CAVIN2: variants seen among roughly 807,000 people sequenced by gnomAD.
CAVIN2 encodes the protein caveolae associated protein 2, also known as caveolae-associated protein 2.
A neutral mutation model predicts 11.7 loss-of-function variants in CAVIN2; 13 were observed. That is an observed-to-expected ratio of 1.11 (90% confidence interval 0.72 to 1.77). The LOEUF is 1.77. CAVIN2 is among the 40% of genes most tolerant of loss of function. CAVIN2 has a pLI of 0.00. For missense variants in CAVIN2, 549 were observed against 542.9 expected (o/e 1.01, Z -0.11); for synonymous variants, 237 against 223.2 (o/e 1.06, Z -0.55).
At chr2:191,837,174 G>A (rs866160696) in intron 1 of CAVIN2, among the ~76,000 whole-genome samples, 2 of 152,332 alleles carry the variant, frequency 1.3e-5, no homozygotes, top group South Asian at 4.1e-4. Context: ...TGAGAACTGA[G>A]AAGTCTTCAA....
Position 191,835,844 on chromosome 2 carries a change from C to G in CAVIN2, c.*79G>C. 7.1e-7 allele frequency: 1 copy of G among 1,406,938 alleles called. No homozygotes were observed. The highest frequency in any genetic ancestry group is 9.7e-7 in the Non-Finnish European group (1 of 1,035,732). The allele number at this position is 1,406,938 out of a possible 1,614,324, so 87.2% of individuals were successfully genotyped here. ...GGAACGCAGGAGTGGGTGAGTCGTG[C>G]TGGAGATGTGCAAGAGTTTGTTCTT... On this transcript the variant is annotated 3_prime_UTR_variant, in exon 2 of 2. Transcript: ENST00000304141.
At chr2:191,836,854 A>C in intron 1 of CAVIN2, 137 bp from the exon 2 acceptor site, 1 of 842,156 alleles carries the variant, frequency 1.2e-6, no homozygotes, top group Non-Finnish European at 1.8e-6. Context: ...GTTTTCTAGA[A>C]TAGGAAGAGT....
rs770341309 is a variant in CAVIN2 at position 191,836,174 on chromosome 2, C to T, written c.1027G>A (p.Ala343Thr). 7 of 1,614,148 alleles carry T rather than the reference C, an allele frequency of 4.3e-6. No homozygotes were observed. Among genetic ancestry groups the T allele is most frequent in the Non-Finnish European group, 5.9e-6 (7 of 1,180,034 alleles). ...FAEGHSEASL[A>T]SALVEGEIAE... ...ATTTCCCCTTCCACCAGAGCGCTGG[C>T]GAGGGACGCTTCGGAATGACCCTCT... is the stretch of plus-strand genomic sequence containing the variant. Residue 343 changes from alanine to threonine, a missense_variant, in exon 2 of 2, where the codon GCC becomes ACC. Physicochemically the swap from Ala to Thr is moderately conservative, Grantham distance 58 (BLOSUM62 0). Coordinates refer to ENST00000304141, the MANE Select transcript of CAVIN2 (RefSeq NM_004657.6).
chr2:191,846,308 A>C (rs2105738847), intron 1 of CAVIN2, 135 bp downstream of exon 1: 1 of 1,093,940 alleles, frequency 9.1e-7, no homozygotes, highest in Middle Eastern at 2.2e-4. Context: ...GCAGGCAGAC[A>C]GGGGACAGTG....
At chr2:191,844,536 G>A (rs1413424055) in intron 1 of CAVIN2, among the ~76,000 whole-genome samples, 2 of 152,198 alleles carry the variant, frequency 1.3e-5, no homozygotes, top group East Asian at 1.9e-4. Context: ...AATGGAGTCC[G>A]AGCACATTTC....
chr2:191,843,256 G>C (rs1209133575), intron 1 of CAVIN2, among the ~76,000 whole-genome samples: 1 of 152,004 alleles, frequency 6.6e-6, no homozygotes, highest in African/African-American at 2.4e-5. Flanking sequence ...ATTTCGGCGG[G>C]CTCAACAGGA....
chr2:191,846,956 TGGGAGCTGCTTCTTGCTCGG>T lies in CAVIN2; in HGVS notation c.-51_-32del, dbSNP rs762333193. 2.6e-6 allele frequency: 4 copies of T among 1,563,954 alleles called. No homozygotes were observed. The highest frequency in any genetic ancestry group is 1.9e-5 in the Admixed American group (1 of 53,344). On this transcript the variant is annotated 5_prime_UTR_variant, in exon 1 of 2. Transcript: ENST00000304141. ...GGCAGGTGGGAACGTTCTTTCTCTC[TGGGAGCTGCTTCTTGCTCGG>T]GTGAGAAGTTGCGGTGGTGAGGGTG...
At position 191,836,334 on chromosome 2, in the gene CAVIN2, G is replaced by C. The variant is rs751717670; in HGVS notation, c.867C>G (p.Pro289=). ...CGAAAGTGAGGGGAGAAACCTTGAA[G>C]GGGGAGCTTTTTCCTGAGGATATTT... The part of the protein sequence containing the change: ...HQKISSGKSS[P]FKVSPLTFGR... Residue 289 remains proline (P), a synonymous_variant, in exon 2 of 2, where the codon CCC becomes CCG. Transcript: ENST00000304141. 8 of 1,614,002 alleles carry C rather than the reference G, an allele frequency of 5.0e-6. No individual in the cohort carries two copies. The African/African-American group carries it at 6.7e-5, about 13-fold the overall frequency.
At chr2:191,839,600 A>G (rs765605071) in intron 1 of CAVIN2, among the ~76,000 whole-genome samples, 17 of 152,198 alleles carry the variant, frequency 1.1e-4, no homozygotes, top group Non-Finnish European at 2.5e-4. Flanking sequence ...GGGAAATTAT[A>G]TGAGAGCTTT....
At position 191,835,030 on chromosome 2, in the gene CAVIN2, T is replaced by C. The variant is rs1368093528; in HGVS notation, c.*893A>G. 7.5e-6 allele frequency: 1 copy of C among 133,038 alleles called. No homozygotes were observed. Among genetic ancestry groups the C allele is most frequent in the Non-Finnish European group, 1.6e-5 (1 of 62,474 alleles). The allele number at this position is 133,038 out of a possible 1,614,324, so 8.2% of individuals were successfully genotyped here. On this transcript the variant is annotated 3_prime_UTR_variant, in exon 2 of 2. Transcript: ENST00000304141. ...TTAAAGAAATATTTGTAATGTCCTT[T>C]ATTTATTAAGAAAAATACAGCTTTA... is the stretch of plus-strand genomic sequence containing the variant.
chr2:191,846,882 C>G lies in CAVIN2; in HGVS notation c.44G>C (p.Gly15Ala), dbSNP rs1283646701. 6.2e-7 allele frequency: 1 copy of G among 1,613,756 alleles called. No homozygotes were observed. The highest frequency in any genetic ancestry group is 8.5e-7 in the Non-Finnish European group (1 of 1,179,872). The change falls in exon 1 of 2, where the codon GGG (glycine) becomes GCG (alanine). Residue 15 changes from glycine to alanine, a missense_variant. Coordinates refer to ENST00000304141, the MANE Select transcript of CAVIN2 (RefSeq NM_004657.6). ...AAQAEKFQHP[G>A]SDMRQEKPSS... ...GGGCTTTTCCTGCCGCATGTCAGAC[C>G]CAGGGTGCTGGAACTTTTCGGCCTG...
In CAVIN2 at chr2:191,846,815, G is replaced by C; in HGVS notation, c.111C>G (p.Ser37Arg). 3.7e-6 allele frequency: 6 copies of C among 1,614,226 alleles called. No homozygotes were observed. The highest frequency in any genetic ancestry group is 5.1e-6 in the Non-Finnish European group (6 of 1,180,044). Residue 37 changes from serine (S) to arginine (R), a missense_variant, in exon 1 of 2, where the codon AGC (serine) becomes AGG (arginine). Physicochemically the swap from Ser to Arg is moderately radical, Grantham distance 110. Transcript: ENST00000304141. ...CCTCCTCTGTGTTCCCTAGGTTCAG[G>C]CTGGGGCTTGGTGTGGAGGAAGGCA... Reference protein sequence around the residue: ...SPMPSSTPSPSLNLGNTEEAI... With the variant: ...SPMPSSTPSPRLNLGNTEEAI...
Position 191,835,622 on chromosome 2 carries a change from C to G in CAVIN2, c.*301G>C, listed in dbSNP as rs148797443. The G allele has an allele frequency of 2.9e-6, 1 of 342,214 alleles. No homozygotes were observed. The highest frequency in any genetic ancestry group is 2.0e-5 in the African/African-American group (1 of 48,836). The allele number at this position is 342,214 out of a possible 1,614,324, so 21.2% of individuals were successfully genotyped here. On this transcript the variant is annotated 3_prime_UTR_variant, in exon 2 of 2. Transcript: ENST00000304141. ...TTTCATGACTAGTATCTTAATTATC[C>G]TCTGTTTTTTTCTGACTAAGTCAAA...
In CAVIN2 at chr2:191,836,584, T is replaced by C; in HGVS notation, c.617A>G (p.Asp206Gly). Residue 206 changes from aspartate (D) to glycine (G), a missense_variant, in exon 2 of 2, where the codon GAT becomes GGT. Transcript: ENST00000304141. ...GGCCTCCTCATCGTGGGGCAAATCA[T>C]CATCTGAGGAGAGGTCCACGGTGTG... ...TLHTVDLSSD[D>G]DLPHDEEALE... 3.7e-6 allele frequency: 6 copies of C among 1,614,116 alleles called. No homozygotes were observed. Among genetic ancestry groups the C allele is most frequent in the South Asian group, 3.3e-5 (3 of 91,074 alleles).
At chr2:191,838,700 G>A (rs1268996572) in intron 1 of CAVIN2, among the ~76,000 whole-genome samples, 1 of 152,166 alleles carries the variant, frequency 6.6e-6, no homozygotes, top group Non-Finnish European at 1.5e-5. Context: ...CTAGTTCCCC[G>A]GAGTGTACTC....
chr2:191,835,359 G>A lies in CAVIN2; in HGVS notation c.*564C>T, dbSNP rs1454920964. The A allele has an allele frequency of 6.6e-6, 1 of 151,198 alleles. No homozygotes were observed. The highest frequency in any genetic ancestry group is 2.4e-5 in the African/African-American group (1 of 41,056). 9.4% of individuals were successfully genotyped at this position (151,198 alleles called of 1,614,324 possible). A position where few individuals can be genotyped will look rare whatever the true frequency, so the allele number is the denominator to read the frequency against. On this transcript the variant is annotated 3_prime_UTR_variant, in exon 2 of 2. Transcript: ENST00000304141. ...TTTATAATCTCTTCATTTTTCCTTC[G>A]TTTGCAATAAAACAATGGTTTCTAG...
At position 191,835,625 on chromosome 2, in the gene CAVIN2, TG is replaced by T. The variant is rs1690001281; in HGVS notation, c.*297del. 2.8e-6 allele frequency: 1 copy of T among 354,280 alleles called. No homozygotes were observed. Among genetic ancestry groups the T allele is most frequent in the Admixed American group, 4.2e-5 (1 of 23,706 alleles). 21.9% of individuals were successfully genotyped at this position (354,280 alleles called of 1,614,324 possible). A position where few individuals can be genotyped will look rare whatever the true frequency, so the allele number is the denominator to read the frequency against. On this transcript the variant is annotated 3_prime_UTR_variant, in exon 2 of 2. Transcript: ENST00000304141. ...CATGACTAGTATCTTAATTATCCTCTGTTTTTTTCTGACTAAGTCAAAGAGA... is the reference window on the plus strand; with the variant it reads ...CATGACTAGTATCTTAATTATCCTCTTTTTTTTCTGACTAAGTCAAAGAGA...
intron 1 of CAVIN2, among the ~76,000 whole-genome samples, chr2:191,840,853 T>A (rs1485669117): frequency 6.6e-6 from 1 of 152,166 alleles, no homozygotes; most frequent in Non-Finnish European, 1.5e-5. Flanking sequence ...AACTCATCAT[T>A]CCTGTTGGCA....
chr2:191,842,381 G>A (rs566680201), intron 1 of CAVIN2, among the ~76,000 whole-genome samples: 2 of 152,284 alleles, frequency 1.3e-5, no homozygotes, highest in African/African-American at 4.8e-5. Context: ...GAACCTAAGA[G>A]GACGTAAGAG....
Sources: gnomAD v4.1 joint callset for allele counts (sites outside exome capture counted in the v4.1 genomes callset) on GRCh38, gnomAD v4.1.1 for gene constraint, MANE v1.5 for transcripts, NCBI Gene and HGNC (gene_info 2026-07-23, HGNC 2026-07-21) for gene names.